The following FAM151B variants were observed in gnomAD, a reference collection of about 807,000 sequenced individuals.
FAM151B encodes protein FAM151B.
In FAM151B, 24 loss-of-function variants were observed where a neutral mutation model predicts 31.2. The observed-to-expected ratio is 0.77, with a 90% CI of 0.56 to 1.08. FAM151B has a LOEUF of 1.08. FAM151B is among the 50% of genes least tolerant of loss of function. The pLI is 0.00. For missense variants in FAM151B, 293 were observed against 328.6 expected, an observed-to-expected ratio of 0.89 and a Z score of 0.84; for synonymous variants, 105 against 111.4, an observed-to-expected ratio of 0.94 and a Z score of 0.36.
At chr5:80,517,021 C>A (rs913284322) in intron 3 of FAM151B, among the ~76,000 whole-genome samples, 3 of 152,146 alleles carry the variant, frequency 2.0e-5, no homozygotes, top group African/African-American at 7.2e-5. Context: ...CTCATCCCTT[C>A]CCTTCGTCCA....
intron 2 of FAM151B, among the ~76,000 whole-genome samples, chr5:80,507,118 CAAAA>C (rs58200677): frequency 1.8e-5 from 2 of 112,324 alleles, no homozygotes; most frequent in Admixed American, 9.7e-5. Context: ...GACTCCATCT[CAAAA>C]AAAAAAAAAA....
chr5:80,536,356 A>G (rs1011169149), intron 5 of FAM151B, among the ~76,000 whole-genome samples: 2 of 151,310 alleles, frequency 1.3e-5, no homozygotes, highest in Non-Finnish European at 2.9e-5. Context: ...TTGTATTTTT[A>G]GTAGAGACGG....
intron 1 of FAM151B, among the ~76,000 whole-genome samples, chr5:80,493,719 C>T (rs1036193112): frequency 1.3e-5 from 2 of 152,162 alleles, no homozygotes; most frequent in Non-Finnish European, 2.9e-5. Flanking sequence ...AAATTCCAGC[C>T]TGGTAAATTC....
At chr5:80,517,569 A>T (rs867216340) in intron 3 of FAM151B, among the ~76,000 whole-genome samples, 2 of 38,342 alleles carry the variant, frequency 5.2e-5, no homozygotes, top group Admixed American at 2.2e-4. Flanking sequence ...GCAGATTTTA[A>T]GTTTCTGGTA....
intron 1 of FAM151B, among the ~76,000 whole-genome samples, chr5:80,491,513 A>C (rs1449997837): frequency 6.6e-6 from 1 of 152,180 alleles, no homozygotes; most frequent in African/African-American, 2.4e-5. Context: ...GTGAGCCAGC[A>C]TGCCTGGAAT....
intron 5 of FAM151B, among the ~76,000 whole-genome samples, chr5:80,525,562 C>G (rs1744920134): frequency 6.6e-6 from 1 of 152,152 alleles, no homozygotes; most frequent in African/African-American, 2.4e-5. Context: ...AGTCCAGACT[C>G]AGGAAGGTCT....
intron 1 of FAM151B, chr5:80,495,293 A>G (rs1457791238): frequency 6.6e-6 from 1 of 152,180 alleles, no homozygotes; most frequent in Non-Finnish European, 1.5e-5. Flanking sequence ...GGTAATCTTG[A>G]CTTACAAGTC....
intron 5 of FAM151B, among the ~76,000 whole-genome samples, chr5:80,537,444 C>G (rs1214053892): frequency 6.6e-6 from 1 of 152,204 alleles, no homozygotes; most frequent in Non-Finnish European, 1.5e-5. Context: ...TTCAATGCGT[C>G]TATTCTCAGA....
chr5:80,511,538 T>C (rs1238220341), intron 2 of FAM151B, among the ~76,000 whole-genome samples: 2 of 151,718 alleles, frequency 1.3e-5, no homozygotes, highest in Non-Finnish European at 2.9e-5. Context: ...TTACCTGTCA[T>C]CTATCCCACT....
In FAM151B at chr5:80,519,677, CAA is replaced by C. The variant is rs1400871726; in HGVS notation, c.318-14_318-13del. ...CCTAAAGAATCTATCTCATTGACAA[CAA>C]ATTATGTTTTTAGTCTGGCAGTTGT... On this transcript the variant is annotated splice_polypyrimidine_tract_variant and intron_variant, in intron 3 of 5. Coordinates refer to ENST00000282226, the MANE Select transcript of FAM151B (RefSeq NM_205548.3). 5.3e-5 allele frequency: 86 copies of C among 1,608,292 alleles called. No individual in the cohort carries two copies. Among genetic ancestry groups the C allele is most frequent in the Non-Finnish European group, 7.2e-5 (85 of 1,176,462 alleles).
chr5:80,528,339 A>C (rs1465670119), intron 5 of FAM151B, among the ~76,000 whole-genome samples: 2 of 152,098 alleles, frequency 1.3e-5, no homozygotes, highest in Non-Finnish European at 2.9e-5. Context: ...GAAAACAACA[A>C]ACTGGCAGGG....
intron 5 of FAM151B, among the ~76,000 whole-genome samples, chr5:80,536,195 G>A (rs970961726): frequency 6.6e-6 from 1 of 152,054 alleles, no homozygotes; most frequent in Non-Finnish European, 1.5e-5. Flanking sequence ...TTTTGAGATG[G>A]AGTCTCACTG....
chr5:80,511,459 A>AAG (rs1744184043), intron 2 of FAM151B, among the ~76,000 whole-genome samples: 1 of 150,062 alleles, frequency 6.7e-6, no homozygotes, highest in Admixed American at 6.6e-5. Flanking sequence ...AAAAAAAAAA[A>AAG]AGGAAAGAAG....
At chr5:80,532,151 T>C (rs1325387589) in intron 5 of FAM151B, among the ~76,000 whole-genome samples, 4 of 138,078 alleles carry the variant, frequency 2.9e-5, no homozygotes, top group Non-Finnish European at 6.0e-5. Flanking sequence ...TTCTCACTCA[T>C]AGGTGGGAAT....
chr5:80,538,448 CTCTT>C (rs776089650), intron 5 of FAM151B, among the ~76,000 whole-genome samples: 623 of 49,246 alleles, frequency 0.013, 23 homozygotes, highest in Admixed American at 0.02. Context: ...TTCTTTCTTT[CTCTT>C]TCTTTCTTTC....
chr5:80,520,712 T>C (rs1431165467), intron 4 of FAM151B, among the ~76,000 whole-genome samples: 1 of 147,824 alleles, frequency 6.8e-6, no homozygotes, highest in Admixed American at 6.8e-5. Flanking sequence ...TTATTTATTA[T>C]GTATATAGTT....
chr5:80,503,297 G>A (rs866707046), intron 2 of FAM151B, among the ~76,000 whole-genome samples: 1 of 152,092 alleles, frequency 6.6e-6, no homozygotes, highest in Non-Finnish European at 1.5e-5. Context: ...TGGTCAGGGC[G>A]GTGGCTCATG....
At chr5:80,501,316 G>T (rs1043923539) in intron 1 of FAM151B, 1 of 1,065,066 alleles carries the variant, frequency 9.4e-7, no homozygotes. Flanking sequence ...CACCGCGCCC[G>T]GCCGAGAGAC....
chr5:80,511,843 G>C (rs1314373729), intron 2 of FAM151B, among the ~76,000 whole-genome samples: 2 of 152,140 alleles, frequency 1.3e-5, no homozygotes, highest in African/African-American at 4.8e-5. Flanking sequence ...CTGACCTCAG[G>C]TGATCTGCCT....
Sources: gnomAD v4.1 joint callset for allele counts (sites outside exome capture counted in the v4.1 genomes callset) on GRCh38, gnomAD v4.1.1 for gene constraint, MANE v1.5 for transcripts, NCBI Gene and HGNC (gene_info 2026-07-23, HGNC 2026-07-21) for gene names.